Variants in TLN1 observed in about 807,000 individuals in gnomAD.
TLN1 encodes talin 1, also known as talin-1.
Under a neutral mutation model 292.3 loss-of-function variants are expected in TLN1, and 56 were observed. That is an observed-to-expected ratio of 0.19 (90% CI 0.15 to 0.24). The LOEUF (loss-of-function observed/expected upper bound fraction) is 0.24, where lower values mean the gene tolerates loss of function less well. Ranked by LOEUF, TLN1 falls within the 10% of genes least tolerant of loss-of-function variation. The pLI is 1.00. For synonymous variants in TLN1, 1,119 were observed against 1,253.7 expected (o/e 0.89, Z 2.27); for missense variants, 2,433 against 3,248.2 (o/e 0.75, Z 6.10).
Position 35,706,171 on chromosome 9 carries a change from G to C in TLN1, c.5361+25C>G. The C allele has an allele frequency of 1.2e-6, 2 of 1,611,092 alleles. No homozygotes were observed. The highest frequency in any genetic ancestry group is 1.7e-6 in the Non-Finnish European group (2 of 1,178,130). On this transcript the variant is annotated intron_variant, in intron 40 of 56. Coordinates refer to ENST00000314888, the MANE Select transcript of TLN1 (RefSeq NM_006289.4). The surrounding 1 kb of genome is among the most constrained non-coding windows in gnomAD (Gnocchi z 4.2). ...TTTCTCCAGCCTCCTGCTAGTAACA[G>C]CTCCTCCCTCCCAACCCTCAATACC...
At chr9:35,713,898 G>A in intron 25 of TLN1, 55 bp downstream of exon 25, 1 of 1,606,764 alleles carries the variant, frequency 6.2e-7, no homozygotes, top group Non-Finnish European at 8.5e-7. Flanking sequence ...CTGGGGCACG[G>A]AGGTGAAGGA....
At chr9:35,711,920 G>C in intron 28 of TLN1, 85 bp downstream of exon 28, 1 of 1,593,696 alleles carries the variant, frequency 6.3e-7, no homozygotes, top group Non-Finnish European at 8.5e-7. Context: ...TGGGAAGTCA[G>C]GGTCAAAGGA....
chr9:35,711,348 G>A lies in TLN1; in HGVS notation c.3926C>T (p.Ser1309Phe). ...AQVVSNLKGI[S>F]MSSSKLLLAA... The stretch of plus-strand genomic sequence containing the variant: ...CAGAAGAAGTTTGCTTGAAGACATG[G>A]AGATGCCCTTCAAGTTGGACACAAC... Residue 1309 changes from serine (S) to phenylalanine (F), a missense_variant, in exon 30 of 57, where the codon TCC becomes TTC. Around this residue, in one of 7 missense-constraint regions of TLN1, gnomAD observed 1,384 missense variants for 1,699.6 expected, o/e 0.81. Transcript: ENST00000314888. The A allele has an allele frequency of 6.2e-7, 1 of 1,614,216 alleles. No homozygotes were observed. The highest frequency in any genetic ancestry group is 8.5e-7 in the Non-Finnish European group (1 of 1,180,044).
chr9:35,704,398 G>C lies in TLN1; in HGVS notation c.5981C>G (p.Thr1994Ser), dbSNP rs753534027. The C allele has an allele frequency of 6.2e-7, 1 of 1,614,214 alleles. No individual in the cohort carries two copies. The highest frequency in any genetic ancestry group is 1.1e-5 in the South Asian group (1 of 91,084). ...GCCAGCAGTGGCGAACATGATGGTG[G>C]TGTCGAGGTCAGCAATGATACCAGA... ...AVSGIIADLDTTIMFATAGTL... is the reference protein window; with the variant it reads ...AVSGIIADLDSTIMFATAGTL... The change falls in exon 45 of 57, where the codon ACC becomes AGC. Residue 1994 changes from threonine (T) to serine (S), a missense_variant. Physicochemically the swap from Thr to Ser is moderately conservative, Grantham distance 58 (BLOSUM62 1). This residue lies in a region of TLN1 where 1,384 missense variants were observed against 1,699.6 expected (regional missense o/e 0.81). Coordinates refer to ENST00000314888, the MANE Select transcript of TLN1 (RefSeq NM_006289.4). The surrounding 1 kb of genome is among the most constrained non-coding windows in gnomAD (Gnocchi z 6.9).
intron 34 of TLN1, 126 bp from the exon 35 acceptor site, chr9:35,708,018 T>C: frequency 3.5e-6 from 4 of 1,152,914 alleles, no homozygotes; most frequent in Middle Eastern, 3.0e-4. Flanking sequence ...AATAACAGAG[T>C]CACCTGAAAA....
At chr9:35,725,177 A>G (rs781518988) in intron 3 of TLN1, 47 bp downstream of exon 3, 10 of 1,599,830 alleles carry the variant, frequency 6.3e-6, no homozygotes, top group Middle Eastern at 1.7e-4. Flanking sequence ...GAACAGGGAG[A>G]AGCTGATGGA....
intron 1 of TLN1, among the ~76,000 whole-genome samples, chr9:35,728,878 C>T (rs968845343): frequency 1.3e-5 from 2 of 152,054 alleles, no homozygotes; most frequent in East Asian, 1.9e-4. Context: ...TCCCAGTCCA[C>T]GAGATGAGTG....
At chr9:35,705,418 TC>T in intron 43 of TLN1, 132 bp downstream of exon 43, 2 of 894,592 alleles carry the variant, frequency 2.2e-6, no homozygotes, top group Non-Finnish European at 3.4e-6. Flanking sequence ...GCCTCACTAG[TC>T]TTCAGCAGAG....
At chr9:35,702,665 G>T (rs1339122017) in intron 48 of TLN1, among the ~76,000 whole-genome samples, 1 of 151,856 alleles carries the variant, frequency 6.6e-6, no homozygotes, top group Non-Finnish European at 1.5e-5. Flanking sequence ...GCTAATTTTT[G>T]TATTTTTAGT....
chr9:35,720,399 C>T lies in TLN1; in HGVS notation c.1283+34G>A, dbSNP rs781780311. On this transcript the variant is annotated intron_variant, in intron 12 of 56. Transcript: ENST00000314888. ...GAGTCAGGCCTTGCCTTCTCTACCC[C>T]TGGGAAATGGGATCAGCCCAACTCC... The T allele has an allele frequency of 5.6e-6, 9 of 1,609,532 alleles. No individual in the cohort carries two copies. The East Asian group carries it at 1.8e-4, about 32-fold the overall frequency.
chr9:35,703,149 A>T (rs1301579348), intron 48 of TLN1, among the ~76,000 whole-genome samples: 1 of 152,066 alleles, frequency 6.6e-6, no homozygotes, highest in African/African-American at 2.4e-5. Flanking sequence ...AAAAATACAA[A>T]AACTAGCCAG....
chr9:35,700,440 C>G, intron 48 of TLN1, 64 bp from the exon 49 acceptor site: 7 of 1,499,864 alleles, frequency 4.7e-6, no homozygotes, highest in Non-Finnish European at 6.3e-6. Flanking sequence ...GCGTAGAACT[C>G]TGTGTGCATG....
At chr9:35,709,422 A>G (rs909773989) in intron 33 of TLN1, among the ~76,000 whole-genome samples, 1 of 152,266 alleles carries the variant, frequency 6.6e-6, no homozygotes, top group Non-Finnish European at 1.5e-5. Context: ...GTAGGCTTTC[A>G]GGGAAAATAG....
intron 1 of TLN1, among the ~76,000 whole-genome samples, chr9:35,730,504 G>C (rs1478669689): frequency 6.6e-6 from 1 of 152,142 alleles, no homozygotes; most frequent in Non-Finnish European, 1.5e-5. Flanking sequence ...CACAGCAGGG[G>C]ATGGGAGTAG....
In TLN1 at chr9:35,707,185, G is replaced by A. The variant is rs748947958; in HGVS notation, c.4842C>T (p.Ile1614=). The A allele has an allele frequency of 1.5e-5, 24 of 1,609,630 alleles. No homozygotes were observed. In the South Asian group the frequency reaches 2.5e-4, roughly 17 times the overall value. The change falls in exon 37 of 57, where the codon ATC becomes ATT. Residue 1614 remains isoleucine, a synonymous_variant. Transcript: ENST00000314888. The surrounding 1 kb of genome is among the most constrained non-coding windows in gnomAD (Gnocchi z 5.6). ...TGACTGCGAGGGCCCGGGCTGTCTGGATGAGTCCCCCGGCACTCTCTAACA... is the reference window on the plus strand; with the variant it reads ...TGACTGCGAGGGCCCGGGCTGTCTGAATGAGTCCCCCGGCACTCTCTAACA... ...KTMLESAGGL[I]QTARALAVNP...
In TLN1 at chr9:35,723,937, A is replaced by T; in HGVS notation, c.782+15T>A. ...GTCCTGGGCCCTGACAGGGTATAGGATGTGGGTCACTCACTCAAGGAAGCC... is the reference window on the plus strand; with the variant it reads ...GTCCTGGGCCCTGACAGGGTATAGGTTGTGGGTCACTCACTCAAGGAAGCC... On this transcript the variant is annotated intron_variant, in intron 7 of 56. Coordinates refer to ENST00000314888, the MANE Select transcript of TLN1 (RefSeq NM_006289.4). 6.2e-7 allele frequency: 1 copy of T among 1,613,930 alleles called. No homozygotes were observed. The highest frequency in any genetic ancestry group is 2.2e-5 in the East Asian group (1 of 44,876).
intron 33 of TLN1, among the ~76,000 whole-genome samples, chr9:35,709,705 G>A (rs1271320840): frequency 3.3e-5 from 5 of 150,114 alleles, no homozygotes; most frequent in Non-Finnish European, 7.4e-5. Flanking sequence ...TGGCTAACAC[G>A]GTGAAACCCC....
chr9:35,697,848 G>A lies in TLN1; in HGVS notation c.7569C>T (p.Ala2523=). The change falls in exon 57 of 57, where the codon GCC becomes GCT. Residue 2523 remains alanine (A), a synonymous_variant. Transcript: ENST00000314888. ...ACTTGTACTGCTGCTGCCGGATCTG[G>A]GCCAGTTTCTTCCGCGCCTCTTCCA... ...RELEEARKKL[A]QIRQQQYKFL... 1.9e-6 allele frequency: 3 copies of A among 1,614,152 alleles called. No individual in the cohort carries two copies. The highest frequency in any genetic ancestry group is 1.3e-5 in the African/African-American group (1 of 75,022).
chr9:35,697,944 C>T (rs762796963), intron 56 of TLN1, 28 bp from the exon 57 acceptor site: 1 of 1,613,978 alleles, frequency 6.2e-7, no homozygotes. Flanking sequence ...GGACTTAGTT[C>T]AGTGAGGATG....
Sources: gnomAD v4.1 joint callset for allele counts (sites outside exome capture counted in the v4.1 genomes callset) on GRCh38, gnomAD v4.1.1 for gene constraint, gnomAD v4.1.1 regional missense constraint, Gnocchi (gnomAD v3.1) non-coding constraint, MANE v1.5 for transcripts, NCBI Gene and HGNC (gene_info 2026-07-23, HGNC 2026-07-21) for gene names.